Variants in CHODL observed in about 807,000 individuals in gnomAD.
CHODL encodes transmembrane protein MT75.
A neutral mutation model predicts 34.5 loss-of-function variants in CHODL; 29 were observed. That is an observed-to-expected ratio of 0.84 (90% CI 0.63 to 1.15). CHODL has a LOEUF of 1.15. Among genes scored for constraint, CHODL ranks in the 50% most tolerant of loss-of-function variants. CHODL has a pLI of 0.00. For synonymous variants in CHODL, 125 were observed against 116.1 expected, an observed-to-expected ratio of 1.08 and a Z score of -0.49; for missense variants, 332 against 332.5, an observed-to-expected ratio of 1.00 and a Z score of 0.01.
intron 1 of CHODL, among the ~76,000 whole-genome samples, chr21:17,924,113 C>A (rs1482086054): frequency 6.6e-6 from 1 of 152,176 alleles, no homozygotes; most frequent in East Asian, 1.9e-4. Context: ...GCTGGAGGTG[C>A]CTCTGCCCGG....
intron 1 of CHODL, among the ~76,000 whole-genome samples, chr21:17,948,220 G>T (rs1259327456): frequency 2.6e-5 from 4 of 151,792 alleles, no homozygotes; most frequent in Non-Finnish European, 5.9e-5. Flanking sequence ...TTTAGGTAAT[G>T]GTACTCGAAA....
Position 18,090,598 on chromosome 21 carries a change from TCTAAA to T in CHODL, c.-45+62633_-45+62637del, listed in dbSNP as rs1440156903. On this transcript the variant is annotated intron_variant, in intron 2 of 6. Coordinates refer to the CHODL transcript ENST00000400127. ...GTGTGCAAAGAAATTCAGAAAAGAA[TCTAAA>T]CTAAAGTGGAGGAAGTCTGCCACAG... is the stretch of plus-strand genomic sequence containing the variant. 6.6e-5 allele frequency among the ~76,000 whole-genome samples: 10 copies of T among 150,512 alleles called. No homozygotes were observed. The South Asian group carries it at 1.1e-3, about 16-fold the overall frequency.
chr21:18,241,465 T>C (rs1412206317), upstream of CHODL, among the ~76,000 whole-genome samples: 1 of 152,198 alleles, frequency 6.6e-6, no homozygotes, highest in Non-Finnish European at 1.5e-5. Flanking sequence ...AATGTAAAGT[T>C]GTAATAATTT....
At chr21:18,165,457 T>C (rs529266347) in intron 2 of CHODL, among the ~76,000 whole-genome samples, 10 of 152,338 alleles carry the variant, frequency 6.6e-5, no homozygotes, top group African/African-American at 2.2e-4. Flanking sequence ...CTCAGACATA[T>C]GGTTTGAAAC....
intron 2 of CHODL, among the ~76,000 whole-genome samples, chr21:18,175,141 A>C (rs916609844): frequency 2.0e-5 from 3 of 152,076 alleles, no homozygotes; most frequent in African/African-American, 7.2e-5. Context: ...TTATAGTGTG[A>C]TTTTTCTGCT....
intron 2 of CHODL, among the ~76,000 whole-genome samples, chr21:18,131,062 T>C (rs2072647920): frequency 6.6e-6 from 1 of 151,938 alleles, no homozygotes; most frequent in South Asian, 2.1e-4. Flanking sequence ...TTTCTTGGCT[T>C]GCAAATGGCC....
At chr21:18,008,990 T>C (rs2146409617) in intron 1 of CHODL, among the ~76,000 whole-genome samples, 1 of 152,324 alleles carries the variant, frequency 6.6e-6, no homozygotes, top group South Asian at 2.1e-4. Context: ...AAGACAATAC[T>C]GGGTTTCAGA....
chr21:18,130,813 A>T (rs1170276161), intron 2 of CHODL, among the ~76,000 whole-genome samples: 1 of 152,224 alleles, frequency 6.6e-6, no homozygotes, highest in Admixed American at 6.5e-5. Flanking sequence ...TATTTATTCA[A>T]TTACTTACAT....
At chr21:18,249,103 A>ATAT (rs1568955943) in intron 1 of CHODL, among the ~76,000 whole-genome samples, 4 of 127,776 alleles carry the variant, frequency 3.1e-5, no homozygotes, top group African/African-American at 1.2e-4. Context: ...ATATATATAT[A>ATAT]ATAATATATA....
At chr21:18,179,959 G>T (rs1372360875) in intron 2 of CHODL, among the ~76,000 whole-genome samples, 1 of 152,086 alleles carries the variant, frequency 6.6e-6, no homozygotes, top group Non-Finnish European at 1.5e-5. Context: ...TAAGGGTATG[G>T]GCTCTAGTGA....
chr21:17,944,484 A>G (rs570867292), intron 1 of CHODL, among the ~76,000 whole-genome samples: 4 of 152,354 alleles, frequency 2.6e-5, no homozygotes, highest in African/African-American at 9.6e-5. Flanking sequence ...AGCTCCACCC[A>G]GACAGCGGGA....
chr21:18,181,504 G>A (rs1011138183), intron 2 of CHODL, among the ~76,000 whole-genome samples: 10 of 152,270 alleles, frequency 6.6e-5, no homozygotes, highest in African/African-American at 2.2e-4. Flanking sequence ...CTGGGTTCCC[G>A]CCATTCTCCT....
rs539388013 is a variant in CHODL, at chr21:18,109,703, A to AT, written c.-45+81739dup. On this transcript the variant is annotated intron_variant, in intron 2 of 6. Coordinates refer to the CHODL transcript ENST00000400127. The stretch of plus-strand genomic sequence containing the variant: ...CTGCATTGTAAGTGTTAAATAAATA[A>AT]TTTTTTTAAGTCAGCAAGAGATTAT... Among the ~76,000 whole-genome samples the AT allele has an allele frequency of 9.8e-3, 1,492 of 152,262 alleles. 13 individuals are homozygous for AT. The highest frequency in any genetic ancestry group is 0.014 in the Middle Eastern group (4 of 294).
chr21:17,948,581 A>C (rs758937540), intron 1 of CHODL, among the ~76,000 whole-genome samples: 1 of 152,084 alleles, frequency 6.6e-6, no homozygotes, highest in Non-Finnish European at 1.5e-5. Flanking sequence ...AGAAGACATT[A>C]CAACTACAGA....
At chr21:18,187,960 T>A (rs142587277) in intron 2 of CHODL, among the ~76,000 whole-genome samples, 95 of 152,262 alleles carry the variant, frequency 6.2e-4, no homozygotes, top group African/African-American at 2.3e-3. Flanking sequence ...TTTCTGTACT[T>A]CCTCATTACC....
At chr21:17,948,219 T>G (rs1407445786) in intron 1 of CHODL, among the ~76,000 whole-genome samples, 1 of 152,048 alleles carries the variant, frequency 6.6e-6, no homozygotes, top group Non-Finnish European at 1.5e-5. Context: ...TTTTAGGTAA[T>G]GGTACTCGAA....
intron 2 of CHODL, among the ~76,000 whole-genome samples, chr21:18,192,540 A>T (rs1842802821): frequency 1.3e-5 from 2 of 152,330 alleles, no homozygotes; most frequent in South Asian, 4.1e-4. Context: ...TATATAGCTT[A>T]ATTCAAAAAG....
At chr21:17,983,912 TG>T (rs61591273) in intron 1 of CHODL, among the ~76,000 whole-genome samples, 97,850 of 149,658 alleles carry the variant, frequency 0.65, 32,246 homozygotes, top group Middle Eastern at 0.78. Context: ...AGTGTGTGTG[TG>T]GGGGGGGTGG....
At chr21:18,088,413 G>A (rs2065033353) in intron 2 of CHODL, among the ~76,000 whole-genome samples, 1 of 152,152 alleles carries the variant, frequency 6.6e-6, no homozygotes, top group Non-Finnish European at 1.5e-5. Context: ...CCCTGCTGAG[G>A]CTGCTCTAGG....
Sources: allele counts gnomAD v4.1 joint callset (sites outside exome capture counted in the v4.1 genomes callset), GRCh38; gene constraint gnomAD v4.1.1; transcripts MANE v1.5; gene names NCBI Gene and HGNC (gene_info 2026-07-23, HGNC 2026-07-21).